The following CTNND2 variants were observed in gnomAD, a reference collection of about 807,000 sequenced individuals.
CTNND2 encodes catenin delta 2.
Under a neutral mutation model 144.4 loss-of-function variants are expected in CTNND2, and 22 were observed. That is an observed-to-expected ratio of 0.15 (90% CI 0.11 to 0.22). CTNND2 has a LOEUF of 0.22. Among genes scored for constraint, CTNND2 ranks in the 10% least tolerant of loss-of-function variants. CTNND2 has a pLI of 1.00. For missense variants in CTNND2, 1,353 were observed against 1,618.8 expected (o/e 0.84, Z 2.82); for synonymous variants, 751 against 695.6 (o/e 1.08, Z -1.25).
intron 3 of CTNND2, among the ~76,000 whole-genome samples, chr5:11,508,660 C>T (rs1002472771): frequency 6.6e-6 from 1 of 152,076 alleles, no homozygotes; most frequent in African/African-American, 2.4e-5. Flanking sequence ...ACCTGTAATC[C>T]CAGCACTACG....
rs1282038003 is a variant in CTNND2, at chr5:11,789,712, C to A, written c.38-57440G>T. Among the ~76,000 whole-genome samples, 4 of 152,206 alleles carry A rather than the reference C, an allele frequency of 2.6e-5. No individual in the cohort carries two copies. The East Asian group carries it at 5.8e-4, about 22-fold the overall frequency. On this transcript the variant is annotated intron_variant, in intron 1 of 21. Coordinates refer to ENST00000304623, the MANE Select transcript of CTNND2 (RefSeq NM_001332.4). ...TATTTCTTGCTTCCAAATCTTTTTA[C>A]CCCTGCCATATTTAGAATTGCCTAG...
chr5:11,431,524 G>C (rs1201040893), intron 3 of CTNND2, among the ~76,000 whole-genome samples: 3 of 152,176 alleles, frequency 2.0e-5, no homozygotes, highest in Admixed American at 1.3e-4. Context: ...GAGATCAACA[G>C]CTGTAGATTC....
chr5:11,512,936 T>C (rs886509042), intron 3 of CTNND2, among the ~76,000 whole-genome samples: 1 of 152,210 alleles, frequency 6.6e-6, no homozygotes, highest in Non-Finnish European at 1.5e-5. Flanking sequence ...TTCATACAAA[T>C]CTCACGTCCT....
intron 9 of CTNND2, among the ~76,000 whole-genome samples, chr5:11,240,339 TACAC>T (rs1742153022): frequency 3.6e-5 from 1 of 28,044 alleles, no homozygotes. Context: ...CCAACACACA[TACAC>T]CCAACACACA....
At chr5:11,623,541 T>A (rs1272321190) in intron 2 of CTNND2, among the ~76,000 whole-genome samples, 1 of 151,882 alleles carries the variant, frequency 6.6e-6, no homozygotes, top group East Asian at 1.9e-4. Flanking sequence ...AATTACCCAG[T>A]CTTGGGTTTG....
chr5:11,498,459 C>T (rs576438964), intron 3 of CTNND2, among the ~76,000 whole-genome samples: 8 of 152,264 alleles, frequency 5.3e-5, no homozygotes, highest in African/African-American at 1.9e-4. Flanking sequence ...ACCAATGACA[C>T]CACTCTAGAC....
intron 2 of CTNND2, among the ~76,000 whole-genome samples, chr5:11,676,489 A>G (rs1238107445): frequency 1.3e-5 from 2 of 152,064 alleles, no homozygotes; most frequent in Admixed American, 6.6e-5. Flanking sequence ...AGCTCGCAAA[A>G]GAGATGAGCA....
Position 11,216,065 on chromosome 5 carries a change from T to C in CTNND2, c.1762-16404A>G, listed in dbSNP as rs1407365332. ...GTCAAAGGAATAATGCTCTGTTAAG[T>C]GGTAAAAAATCCTGAATCTTATCTG... is the stretch of plus-strand genomic sequence containing the variant. On this transcript the variant is annotated intron_variant, in intron 10 of 21. Transcript: ENST00000304623. 3.3e-5 allele frequency among the ~76,000 whole-genome samples: 5 copies of C among 152,224 alleles called. No homozygotes were observed. In the East Asian group the frequency reaches 9.7e-4, roughly 29 times the overall value.
intron 3 of CTNND2, among the ~76,000 whole-genome samples, chr5:11,428,495 C>A (rs1347420509): frequency 6.6e-6 from 1 of 152,130 alleles, no homozygotes; most frequent in Non-Finnish European, 1.5e-5. Context: ...AGTAGCTTTA[C>A]CCCTTATCAA....
intron 2 of CTNND2, among the ~76,000 whole-genome samples, chr5:11,723,916 C>T (rs1053284470): frequency 1.6e-4 from 25 of 151,978 alleles, no homozygotes; most frequent in Non-Finnish European, 2.9e-4. Context: ...ATTAGCCGGG[C>T]GTAGTGGCGG....
intron 1 of CTNND2, among the ~76,000 whole-genome samples, chr5:11,888,834 C>G (rs942508497): frequency 6.6e-6 from 1 of 151,758 alleles, no homozygotes; most frequent in Admixed American, 6.6e-5. Flanking sequence ...GCAACCTCCG[C>G]CTCCCAGTCC....
intron 7 of CTNND2, among the ~76,000 whole-genome samples, chr5:11,365,221 T>A (rs1472509877): frequency 6.6e-6 from 1 of 152,234 alleles, no homozygotes; most frequent in Non-Finnish European, 1.5e-5. Context: ...AGATAGTCAG[T>A]CCTAAAAATC....
intron 1 of CTNND2, among the ~76,000 whole-genome samples, chr5:11,787,325 A>C (rs1184272783): frequency 6.6e-6 from 1 of 152,218 alleles, no homozygotes; most frequent in Admixed American, 6.5e-5. Flanking sequence ...CAACTCGGCA[A>C]GATTTGAAAG....
At chr5:10,984,437 G>A (rs2062684) in intron 20 of CTNND2, among the ~76,000 whole-genome samples, 64,378 of 152,066 alleles carry the variant, frequency 0.42, 14,128 homozygotes, top group African/African-American at 0.53. Flanking sequence ...TTTTTAGAAC[G>A]TTTGCACTAT....
At chr5:11,881,188 A>G (rs1035245065) in intron 1 of CTNND2, among the ~76,000 whole-genome samples, 9 of 152,070 alleles carry the variant, frequency 5.9e-5, no homozygotes, top group African/African-American at 2.2e-4. Flanking sequence ...AGAATTATAC[A>G]TATTTATGGC....
chr5:11,161,485 C>G (rs1051577008), intron 11 of CTNND2, among the ~76,000 whole-genome samples: 1 of 152,162 alleles, frequency 6.6e-6, no homozygotes, highest in African/African-American at 2.4e-5. Context: ...AAATAAAACA[C>G]AAAGCTGCTT....
At chr5:11,597,607 T>C (rs930049520) in intron 2 of CTNND2, among the ~76,000 whole-genome samples, 2 of 152,032 alleles carry the variant, frequency 1.3e-5, no homozygotes, top group African/African-American at 2.4e-5. Context: ...AAACAGAGTG[T>C]CAGTCACCCA....
intron 5 of CTNND2, among the ~76,000 whole-genome samples, chr5:11,400,826 G>A (rs999644531): frequency 8.5e-5 from 13 of 152,198 alleles, no homozygotes; most frequent in Admixed American, 7.2e-4. Context: ...AGGTTAAATT[G>A]GCAGCCAGTG....
rs145371619 is a variant in CTNND2 at position 11,100,242 on chromosome 5, A to C, written c.2464-1494T>G. On this transcript the variant is annotated intron_variant, in intron 14 of 21. Transcript: ENST00000304623. Reference sequence around the variant, plus strand: ...CACAGCTTAGTTTAAGTCAAGGGTAAAGCTCAGAGATGAATGACATCCCAT... The same window carrying C: ...CACAGCTTAGTTTAAGTCAAGGGTACAGCTCAGAGATGAATGACATCCCAT... 3.9e-3 allele frequency among the ~76,000 whole-genome samples: 590 copies of C among 152,310 alleles called. 3 individuals carry two copies. Among genetic ancestry groups the C allele is most frequent in the African/African-American group, 0.013 (547 of 41,564 alleles).
Sources: allele counts gnomAD v4.1 joint callset (sites outside exome capture counted in the v4.1 genomes callset), GRCh38; gene constraint gnomAD v4.1.1; transcripts MANE v1.5; gene names NCBI Gene and HGNC (gene_info 2026-07-23, HGNC 2026-07-21).